Variants in TGFBR3 observed in about 807,000 individuals in gnomAD.
TGFBR3 encodes the protein transforming growth factor beta receptor type 3.
In TGFBR3, 46 loss-of-function variants were observed where a neutral mutation model predicts 87.9. The ratio of observed to expected loss-of-function variants is 0.52; its 90% CI spans 0.41 to 0.67. TGFBR3 has a LOEUF of 0.67. Ranked by LOEUF, TGFBR3 falls within the 30% of genes least tolerant of loss-of-function variation. The pLI, the probability that TGFBR3 is intolerant of heterozygous loss-of-function variation, is 0.00. For synonymous variants in TGFBR3, 381 were observed against 391.6 expected, an observed-to-expected ratio of 0.97 and a Z score of 0.32; for missense variants, 866 against 1,041.9, an observed-to-expected ratio of 0.83 and a Z score of 2.32.
intron 4 of TGFBR3, among the ~76,000 whole-genome samples, chr1:91,754,308 A>C (rs1046848936): frequency 6.6e-6 from 1 of 152,210 alleles, no homozygotes; most frequent in East Asian, 1.9e-4. Context: ...CATAAATAAA[A>C]ACAGGCTTAT....
chr1:91,701,822 G>A (rs1315174228), intron 14 of TGFBR3, among the ~76,000 whole-genome samples: 2 of 152,164 alleles, frequency 1.3e-5, no homozygotes, highest in Non-Finnish European at 2.9e-5. Context: ...TCCTCCTGGA[G>A]ACTCAGGAGG....
In TGFBR3 at chr1:91,722,029, T is replaced by C. The variant is rs1270323575; in HGVS notation, c.1001A>G (p.Asn334Ser). Residue 334 changes from asparagine to serine, a missense_variant, in exon 8 of 17, where the codon AAT becomes AGT. Transcript: ENST00000212355. ...QGNLVKWALD[N>S]GYSPITSYTM... ...GTATGAAGTTATTGGACTATAGCCA[T>C]TGTCCAAAGCCCACTTCACCAGATT... is the stretch of plus-strand genomic sequence containing the variant. The C allele has an allele frequency of 1.2e-6, 2 of 1,613,630 alleles. No homozygotes were observed. The highest frequency in any genetic ancestry group is 1.3e-5 in the African/African-American group (1 of 74,900).
chr1:91,717,702 C>CA (rs55857175), intron 10 of TGFBR3, among the ~76,000 whole-genome samples: 3 of 139,784 alleles, frequency 2.1e-5, no homozygotes, highest in Non-Finnish European at 3.1e-5. Context: ...AAAAAAAAAA[C>CA]AAACTGCCTT....
intron 1 of TGFBR3, among the ~76,000 whole-genome samples, chr1:91,868,505 T>G (rs1008094258): frequency 1.4e-4 from 21 of 152,206 alleles, no homozygotes; most frequent in Admixed American, 3.9e-4. Flanking sequence ...CCTCAACATT[T>G]CTGGTATAAG....
chr1:91,785,930 C>A (rs1461414569), intron 3 of TGFBR3, among the ~76,000 whole-genome samples: 2 of 152,066 alleles, frequency 1.3e-5, no homozygotes, highest in East Asian at 3.9e-4. Flanking sequence ...CTATGCCTGG[C>A]TGTTTGTATT....
intron 3 of TGFBR3, among the ~76,000 whole-genome samples, chr1:91,762,700 T>C (rs1330914033): frequency 2.0e-5 from 3 of 152,226 alleles, no homozygotes; most frequent in African/African-American, 4.8e-5. Flanking sequence ...CCATCCCTCA[T>C]ACATTGCTGA....
intron 2 of TGFBR3, among the ~76,000 whole-genome samples, chr1:91,832,544 G>A (rs1351878535): frequency 6.6e-6 from 1 of 152,170 alleles, no homozygotes; most frequent in Non-Finnish European, 1.5e-5. Context: ...CTTTACAGAT[G>A]AAAGAACTAA....
At chr1:91,885,163 C>T (rs1174189625) in intron 1 of TGFBR3, among the ~76,000 whole-genome samples, 2 of 152,250 alleles carry the variant, frequency 1.3e-5, no homozygotes, top group East Asian at 3.8e-4. Context: ...CGTGAGGACA[C>T]CAAATCCACT....
At chr1:91,877,154 G>A (rs1380718883) in intron 1 of TGFBR3, among the ~76,000 whole-genome samples, 2 of 152,074 alleles carry the variant, frequency 1.3e-5, no homozygotes, top group Admixed American at 1.3e-4. Flanking sequence ...TGCAAAAGTG[G>A]ATTTTCTCCC....
At chr1:91,795,221 A>G (rs1222225089) in intron 3 of TGFBR3, among the ~76,000 whole-genome samples, 2 of 152,244 alleles carry the variant, frequency 1.3e-5, no homozygotes, top group African/African-American at 4.8e-5. Context: ...TAATTCTTAA[A>G]GGTCCGTCTG....
chr1:91,879,228 C>G (rs2799519), intron 1 of TGFBR3, among the ~76,000 whole-genome samples: 16,123 of 151,792 alleles, frequency 0.11, 1,102 homozygotes, highest in African/African-American at 0.21. Context: ...AAGATCACAC[C>G]ACTGCACTCC....
At chr1:91,808,076 C>T (rs1016604077) in intron 2 of TGFBR3, among the ~76,000 whole-genome samples, 2 of 152,124 alleles carry the variant, frequency 1.3e-5, no homozygotes, top group Non-Finnish European at 2.9e-5. Context: ...TTATACTACT[C>T]CCTAGCATTA....
intron 3 of TGFBR3, chr1:91,771,085 G>C (rs1484453847): frequency 6.6e-6 from 1 of 152,188 alleles, no homozygotes; most frequent in African/African-American, 2.4e-5. Context: ...GGAATGAATG[G>C]CTTGGCTTAC....
chr1:91,741,453 C>G (rs919545142), intron 4 of TGFBR3, among the ~76,000 whole-genome samples: 1 of 152,112 alleles, frequency 6.6e-6, no homozygotes, highest in Non-Finnish European at 1.5e-5. Flanking sequence ...CCCCACAGAT[C>G]AGGGATTTCT....
intron 3 of TGFBR3, among the ~76,000 whole-genome samples, chr1:91,789,601 C>T (rs1317194709): frequency 6.6e-6 from 1 of 152,220 alleles, no homozygotes; most frequent in African/African-American, 2.4e-5. Flanking sequence ...GGTTTGTTTC[C>T]TAAACCCCGG....
At chr1:91,828,268 T>C (rs1676719869) in intron 2 of TGFBR3, among the ~76,000 whole-genome samples, 1 of 152,162 alleles carries the variant, frequency 6.6e-6, no homozygotes, top group Non-Finnish European at 1.5e-5. Context: ...AATGTAACCA[T>C]GCACACCTCC....
intron 4 of TGFBR3, among the ~76,000 whole-genome samples, chr1:91,737,405 T>C (rs1281042868): frequency 1.3e-5 from 2 of 152,206 alleles, no homozygotes; most frequent in African/African-American, 2.4e-5. Flanking sequence ...TGAGGCAGGC[T>C]ACGGTGACCT....
chr1:91,893,608 A>G (rs965784789), intron 2 of TGFBR3, among the ~76,000 whole-genome samples: 6 of 152,170 alleles, frequency 3.9e-5, no homozygotes, highest in African/African-American at 1.4e-4. Flanking sequence ...TTTAAGATTC[A>G]GGAATGAGTT....
chr1:91,900,562 G>A (rs17884021), intron 1 of TGFBR3, among the ~76,000 whole-genome samples: 66,488 of 152,060 alleles, frequency 0.44, 14,953 homozygotes, highest in Admixed American at 0.51. Context: ...GAAATAGCTA[G>A]TTTTTTCTTA....
Sources: allele counts gnomAD v4.1 joint callset (sites outside exome capture counted in the v4.1 genomes callset), GRCh38; gene constraint gnomAD v4.1.1; transcripts MANE v1.5; gene names NCBI Gene and HGNC (gene_info 2026-07-23, HGNC 2026-07-21).